GLI2: variants seen among roughly 807,000 people sequenced by gnomAD.
The protein encoded by GLI2 is transcription activator GLI2.
Under a neutral mutation model 78.9 loss-of-function variants are expected in GLI2, and 22 were observed. The observed-to-expected ratio is 0.28, with a 90% CI of 0.20 to 0.40. The LOEUF is 0.40. GLI2 is among the 10% of genes least tolerant of loss of function. The probability of loss-of-function intolerance (pLI) is 1.00; values close to 1 mark genes in which losing one functional copy is unlikely to be tolerated. For missense variants in GLI2, 2,097 were observed against 2,213.2 expected, an observed-to-expected ratio of 0.95 and a Z score of 1.05; for synonymous variants, 974 against 963.7, an observed-to-expected ratio of 1.01 and a Z score of -0.20.
chr2:120,851,386 C>T (rs1687399229), intron 2 of GLI2, among the ~76,000 whole-genome samples: 1 of 152,192 alleles, frequency 6.6e-6, no homozygotes, highest in South Asian at 2.1e-4. Flanking sequence ...TTTGGAAATA[C>T]ACAAAAATGC....
chr2:120,989,361 G>A lies in GLI2; in HGVS notation c.3396G>A (p.Val1132=). 1.2e-6 allele frequency: 2 copies of A among 1,612,984 alleles called. No homozygotes were observed. Among genetic ancestry groups the A allele is most frequent in the South Asian group, 1.1e-5 (1 of 91,092 alleles). ...ACATGCCTGTGCAGTGGAATGAGGT[G>A]AGCTCCGGCACCGTAGACGCCCTGG... ...KNNMPVQWNE[V]SSGTVDALAS... is the part of the protein sequence containing the mutation. The change falls in exon 14 of 14, where the codon GTG becomes GTA. Residue 1132 remains valine, a synonymous_variant. Coordinates refer to ENST00000361492, the MANE Select transcript of GLI2 (RefSeq NM_001374353.1).
intron 5 of GLI2, among the ~76,000 whole-genome samples, chr2:120,964,725 G>A (rs1490727088): frequency 6.6e-6 from 1 of 152,264 alleles, no homozygotes; most frequent in Admixed American, 6.5e-5. Context: ...AGGAGGAGAG[G>A]ACGAGGAGGC....
chr2:120,857,495 A>G lies in GLI2; in HGVS notation c.148+60027A>G, dbSNP rs1040407741. ...CATCTTCCCACCCAGCCACCCACCTACCCATCTGCCCGCCCACCCACCGAC... is the reference window on the plus strand; with the variant it reads ...CATCTTCCCACCCAGCCACCCACCTGCCCATCTGCCCGCCCACCCACCGAC... On this transcript the variant is annotated intron_variant, in intron 2 of 13. Transcript: ENST00000361492. 7.5e-4 allele frequency among the ~76,000 whole-genome samples: 84 copies of G among 112,738 alleles called. 1 individual carries two copies. The highest frequency in any genetic ancestry group is 9.2e-5 in the Non-Finnish European group (5 of 54,282). The allele number at this position is 112,738 out of a possible 152,430, so 74.0% of individuals were successfully genotyped here.
At chr2:120,769,160 C>T (rs1323424340) in intron 1 of GLI2, among the ~76,000 whole-genome samples, 6 of 152,186 alleles carry the variant, frequency 3.9e-5, no homozygotes, top group African/African-American at 1.4e-4. Context: ...CTCTCTGGAG[C>T]CCCCACTTGG....
intron 1 of GLI2, among the ~76,000 whole-genome samples, chr2:120,740,298 T>G (rs1298604742): frequency 6.6e-6 from 1 of 152,200 alleles, no homozygotes; most frequent in Non-Finnish European, 1.5e-5. Context: ...TTGTGTTGTT[T>G]CTGGTTTCTT....
intron 1 of GLI2, among the ~76,000 whole-genome samples, chr2:120,785,894 G>C (rs1205385324): frequency 6.6e-6 from 1 of 152,242 alleles, no homozygotes; most frequent in Non-Finnish European, 1.5e-5. Flanking sequence ...TATAAACCAG[G>C]TAAGGGGCCC....
chr2:120,915,020 G>A (rs193159433), intron 2 of GLI2, among the ~76,000 whole-genome samples: 45 of 152,318 alleles, frequency 3.0e-4, no homozygotes, highest in African/African-American at 1.0e-3. Flanking sequence ...CAAATGGCAC[G>A]GGGCTGGCCT....
intron 8 of GLI2, 22 bp from the exon 9 acceptor site, chr2:120,974,953 G>A: frequency 6.2e-7 from 1 of 1,614,264 alleles, no homozygotes; most frequent in African/African-American, 1.3e-5. Flanking sequence ...GCTCATGTGG[G>A]TGTGCCCTTC....
At chr2:120,923,861 TACAC>T (rs746911617) in intron 2 of GLI2, among the ~76,000 whole-genome samples, 1 of 150,764 alleles carries the variant, frequency 6.6e-6, no homozygotes, top group Non-Finnish European at 1.5e-5. Flanking sequence ...CACACGTACA[TACAC>T]ACACACACAC....
chr2:120,804,405 G>T (rs1205329216), intron 2 of GLI2, among the ~76,000 whole-genome samples: 3 of 152,200 alleles, frequency 2.0e-5, no homozygotes, highest in Non-Finnish European at 4.4e-5. Context: ...ATGCTATCAT[G>T]CCAGAGGTGT....
At chr2:120,930,808 C>T (rs1014002882) in intron 3 of GLI2, among the ~76,000 whole-genome samples, 1 of 152,266 alleles carries the variant, frequency 6.6e-6, no homozygotes, top group African/African-American at 2.4e-5. Context: ...TCAGTGCCGT[C>T]CTTCCCTGTG....
At chr2:120,903,206 GAA>G (rs1414675415) in intron 2 of GLI2, among the ~76,000 whole-genome samples, 2 of 152,102 alleles carry the variant, frequency 1.3e-5, no homozygotes, top group Non-Finnish European at 2.9e-5. Context: ...ACAACATGGT[GAA>G]ACACGATCTC....
chr2:120,868,113 G>A (rs1219997929), intron 2 of GLI2, among the ~76,000 whole-genome samples: 2 of 152,192 alleles, frequency 1.3e-5, no homozygotes, highest in African/African-American at 2.4e-5. Flanking sequence ...TCTGAGATCC[G>A]GCAAAGCCGA....
chr2:120,944,040 G>A (rs76640528), intron 3 of GLI2, among the ~76,000 whole-genome samples: 48 of 152,184 alleles, frequency 3.2e-4, no homozygotes, highest in Admixed American at 2.0e-3. Flanking sequence ...GCTACACACC[G>A]TCCAGGTACA....
At chr2:120,809,964 T>C (rs1267571098) in intron 2 of GLI2, among the ~76,000 whole-genome samples, 1 of 152,166 alleles carries the variant, frequency 6.6e-6, no homozygotes, top group Non-Finnish European at 1.5e-5. Context: ...TGGTGGGGGC[T>C]GCGGTCAGGC....
At chr2:120,882,957 C>A (rs867762030) in intron 2 of GLI2, among the ~76,000 whole-genome samples, 1 of 152,116 alleles carries the variant, frequency 6.6e-6, no homozygotes, top group Non-Finnish European at 1.5e-5. Context: ...CTCCCCAGAG[C>A]GGGCATCCTG....
chr2:120,874,302 T>A (rs1688618138), intron 2 of GLI2, among the ~76,000 whole-genome samples: 1 of 152,212 alleles, frequency 6.6e-6, no homozygotes, highest in Admixed American at 6.5e-5. Context: ...AAACTTTATT[T>A]TCCAAAGAGA....
At chr2:120,839,588 G>A (rs1686772222) in intron 2 of GLI2, among the ~76,000 whole-genome samples, 1 of 151,988 alleles carries the variant, frequency 6.6e-6, no homozygotes, top group Non-Finnish European at 1.5e-5. Flanking sequence ...TTGAGATGGA[G>A]TCTCACTCTT....
intron 3 of GLI2, among the ~76,000 whole-genome samples, chr2:120,930,579 C>T (rs1177247242): frequency 2.6e-5 from 4 of 152,248 alleles, no homozygotes; most frequent in Non-Finnish European, 4.4e-5. Flanking sequence ...TGCCCCGAGT[C>T]CAGTCGCTCC....
Sources: allele counts gnomAD v4.1 joint callset (sites outside exome capture counted in the v4.1 genomes callset), GRCh38; gene constraint gnomAD v4.1.1; transcripts MANE v1.5; gene names NCBI Gene and HGNC (gene_info 2026-07-23, HGNC 2026-07-21).